EYA1: variants seen among roughly 807,000 people sequenced by gnomAD.
EYA1 encodes the protein protein phosphatase EYA1.
In EYA1, 16 loss-of-function variants were observed where a neutral mutation model predicts 82.0. That is an observed-to-expected ratio of 0.20 (90% CI 0.13 to 0.30). The LOEUF is 0.30. EYA1 is among the 10% of genes least tolerant of loss of function. The pLI, the probability that EYA1 is intolerant of heterozygous loss-of-function variation, is 1.00. For missense variants in EYA1, 633 were observed against 730.7 expected, an observed-to-expected ratio of 0.87 and a Z score of 1.54; for synonymous variants, 261 against 264.4, an observed-to-expected ratio of 0.99 and a Z score of 0.12.
At chr8:71,448,645 T>C (rs1807098595) in intron 2 of EYA1, among the ~76,000 whole-genome samples, 2 of 152,236 alleles carry the variant, frequency 1.3e-5, no homozygotes, top group South Asian at 4.1e-4. Flanking sequence ...GTACTTTGCC[T>C]AGATGCATCA....
chr8:71,202,992 T>A (rs1807253629), intron 17 of EYA1, among the ~76,000 whole-genome samples: 1 of 152,226 alleles, frequency 6.6e-6, no homozygotes, highest in Non-Finnish European at 1.5e-5. Flanking sequence ...GACAACTGGA[T>A]ACAAAGTAAA....
chr8:71,491,215 T>C (rs900588063), intron 2 of EYA1, among the ~76,000 whole-genome samples: 7 of 152,162 alleles, frequency 4.6e-5, no homozygotes, highest in African/African-American at 1.7e-4. Context: ...CATATATAAA[T>C]ACTTTCTGCA....
In EYA1 at chr8:71,197,739, G is replaced by C. The variant is rs754159496; in HGVS notation, c.*1601C>G. The C allele has an allele frequency of 1.2e-4, 18 of 152,532 alleles. No individual in the cohort carries two copies. Among genetic ancestry groups the C allele is most frequent in the Admixed American group, 7.2e-4 (11 of 15,280 alleles). The allele number at this position is 152,532 out of a possible 1,614,324, so 9.4% of individuals were successfully genotyped here. A position where few individuals can be genotyped will look rare whatever the true frequency, so the allele number is the denominator to read the frequency against. Reference sequence around the variant, plus strand: ...AATGAAGTAGCTCTTCAACTACTTCGGGTCAAAGCTGGTGTTTTTCCCGCC... The same window carrying C: ...AATGAAGTAGCTCTTCAACTACTTCCGGTCAAAGCTGGTGTTTTTCCCGCC... On this transcript the variant is annotated 3_prime_UTR_variant, in exon 18 of 18. Coordinates refer to ENST00000340726, the MANE Select transcript of EYA1 (RefSeq NM_000503.6).
At chr8:71,418,591 T>C (rs934999348) in intron 2 of EYA1, among the ~76,000 whole-genome samples, 17 of 152,208 alleles carry the variant, frequency 1.1e-4, no homozygotes, top group South Asian at 4.1e-4. Flanking sequence ...ATCTAAAAAA[T>C]ACACTTTTAT....
At position 71,350,394 on chromosome 8, in the gene EYA1, TAAGA is replaced by T. The variant is rs568027673; in HGVS notation, c.124+4384_124+4387del. Among the ~76,000 whole-genome samples the T allele has an allele frequency of 3.4e-3, 525 of 152,324 alleles. 5 individuals carry two copies. The highest frequency in any genetic ancestry group is 0.012 in the African/African-American group (489 of 41,590). ...CTTTGTAAAAATGATAAAAACAGCT[TAAGA>T]TAGATTCTGATAATTTATAAAACTG... On this transcript the variant is annotated intron_variant, in intron 3 of 17. Coordinates refer to ENST00000340726, the MANE Select transcript of EYA1 (RefSeq NM_000503.6).
intron 12 of EYA1, among the ~76,000 whole-genome samples, chr8:71,219,198 G>T (rs1373790897): frequency 6.6e-6 from 1 of 152,100 alleles, no homozygotes; most frequent in Non-Finnish European, 1.5e-5. Flanking sequence ...CCAGGCTGAG[G>T]ACTTCATTTG....
At chr8:71,485,055 T>C (rs1810458551) in intron 2 of EYA1, among the ~76,000 whole-genome samples, 1 of 152,194 alleles carries the variant, frequency 6.6e-6, no homozygotes, top group South Asian at 2.1e-4. Context: ...GGACAAAAAC[T>C]CTAGGAGGAT....
At chr8:71,525,626 C>A (rs1255646919) in intron 2 of EYA1, among the ~76,000 whole-genome samples, 1 of 152,008 alleles carries the variant, frequency 6.6e-6, no homozygotes, top group Non-Finnish European at 1.5e-5. Flanking sequence ...AAAAAATTAA[C>A]CTCACCCTCA....
At chr8:71,334,421 A>G (rs1467184812) in intron 3 of EYA1, 1 of 527,388 alleles carries the variant, frequency 1.9e-6, no homozygotes, top group East Asian at 3.5e-5. Context: ...AAGTAATTAA[A>G]TTCATCATTG....
chr8:71,268,889 T>A (rs1319608487), intron 11 of EYA1, among the ~76,000 whole-genome samples: 1 of 152,186 alleles, frequency 6.6e-6, no homozygotes, highest in African/African-American at 2.4e-5. Flanking sequence ...TTAATTATGA[T>A]AAACTGCTGA....
At chr8:71,548,075 GCGC>G (rs1315046813) in exon 1 of EYA1, 25 of 152,416 alleles carry the variant, frequency 1.6e-4, no homozygotes, top group African/African-American at 5.8e-4. Flanking sequence ...GGGTCGAGGG[GCGC>G]CCTTCGCGCG....
At chr8:71,545,945 GCT>G (rs1246412199) in intron 1 of EYA1, among the ~76,000 whole-genome samples, 1 of 152,068 alleles carries the variant, frequency 6.6e-6, no homozygotes, top group Non-Finnish European at 1.5e-5. Context: ...GTTACACTGT[GCT>G]CTCTCTTGAT....
chr8:71,261,915 G>C (rs1815161553), intron 11 of EYA1, among the ~76,000 whole-genome samples: 1 of 152,184 alleles, frequency 6.6e-6, no homozygotes, highest in Admixed American at 6.5e-5. Flanking sequence ...TTTTCTACCA[G>C]AGGACTGCAC....
chr8:71,428,890 C>T (rs948147227), intron 2 of EYA1, among the ~76,000 whole-genome samples: 1 of 68,766 alleles, frequency 1.5e-5, no homozygotes, highest in Non-Finnish European at 3.2e-5. Flanking sequence ...TTATTATTCA[C>T]CTTTTCCATA....
At chr8:71,392,231 G>A (rs747138955) in intron 2 of EYA1, among the ~76,000 whole-genome samples, 3 of 151,976 alleles carry the variant, frequency 2.0e-5, no homozygotes, top group Non-Finnish European at 4.4e-5. Context: ...GACGGAAAAA[G>A]AAAAAAGGAA....
intron 2 of EYA1, among the ~76,000 whole-genome samples, chr8:71,458,092 TA>T (rs1182864833): frequency 6.6e-6 from 1 of 152,048 alleles, no homozygotes; most frequent in Non-Finnish European, 1.5e-5. Flanking sequence ...ACTTTGAAAA[TA>T]CAAGAAAAAC....
At position 71,356,460 on chromosome 8, in the gene EYA1, A is replaced by G; in HGVS notation, c.-5+2T>C. The G allele has an allele frequency of 6.3e-7, 1 of 1,583,404 alleles. No individual in the cohort carries two copies. Among genetic ancestry groups the G allele is most frequent in the African/African-American group, 1.3e-5 (1 of 74,528 alleles). On this transcript the variant is annotated splice_donor_variant, in intron 2 of 17. Transcript: ENST00000340726. LOFTEE classifies it low-confidence loss of function (5UTR_SPLICE). ...AATGTCAAATATCAACAATATCCTT[A>G]CCTGCAACTTGAGGAAACAGCAACA...
intron 2 of EYA1, among the ~76,000 whole-genome samples, chr8:71,489,281 C>T (rs1293267056): frequency 1.3e-5 from 2 of 151,962 alleles, no homozygotes; most frequent in African/African-American, 4.8e-5. Context: ...CTACTTTTAT[C>T]CCTGGGTTCA....
intron 2 of EYA1, among the ~76,000 whole-genome samples, chr8:71,423,402 T>C (rs1193061454): frequency 6.6e-6 from 1 of 152,238 alleles, no homozygotes. Flanking sequence ...TATTTTTATC[T>C]TTATATTTTC....
Sources: gnomAD v4.1 joint callset for allele counts (sites outside exome capture counted in the v4.1 genomes callset) on GRCh38, gnomAD v4.1.1 for gene constraint, MANE v1.5 for transcripts, NCBI Gene and HGNC (gene_info 2026-07-23, HGNC 2026-07-21) for gene names.